The following VWA8 variants were observed in gnomAD, a reference collection of about 807,000 sequenced individuals.
The protein encoded by VWA8 is von Willebrand factor A domain containing 8, also known as von Willebrand factor A domain-containing protein 8.
Under a neutral mutation model 241.5 loss-of-function variants are expected in VWA8, and 221 were observed. That is an observed-to-expected ratio of 0.91 (90% CI 0.82 to 1.02). The LOEUF (loss-of-function observed/expected upper bound fraction) is 1.02, where lower values mean the gene tolerates loss of function less well. Among genes scored for constraint, VWA8 ranks in the 50% least tolerant of loss-of-function variants. The pLI is 0.00. For missense variants in VWA8, 2,322 were observed against 2,328.7 expected, an observed-to-expected ratio of 1.00 and a Z score of 0.06; for synonymous variants, 852 against 827.1, an observed-to-expected ratio of 1.03 and a Z score of -0.52.
intron 12 of VWA8, among the ~76,000 whole-genome samples, chr13:41,849,340 G>T (rs1177306898): frequency 6.6e-6 from 1 of 152,046 alleles, no homozygotes; most frequent in Admixed American, 6.5e-5. Flanking sequence ...TATTCTACTT[G>T]CAAATATTTG....
intron 2 of VWA8, among the ~76,000 whole-genome samples, chr13:41,942,152 G>A (rs1277595487): frequency 6.6e-6 from 1 of 152,080 alleles, no homozygotes; most frequent in Non-Finnish European, 1.5e-5. Flanking sequence ...TAACAACTTG[G>A]TGAAGAATTT....
At chr13:41,934,704 C>T (rs1593881458) in intron 2 of VWA8, among the ~76,000 whole-genome samples, 1 of 151,838 alleles carries the variant, frequency 6.6e-6, no homozygotes, top group East Asian at 1.9e-4. Flanking sequence ...TCTAGAAAAT[C>T]CGAATAAATC....
At chr13:41,749,319 G>C (rs1041891635) in intron 21 of VWA8, among the ~76,000 whole-genome samples, 6 of 152,274 alleles carry the variant, frequency 3.9e-5, no homozygotes, top group Admixed American at 1.3e-4. Context: ...CCATCTCACA[G>C]CAGTTAGAAT....
At chr13:41,671,293 T>G in intron 36 of VWA8, 146 bp from the exon 37 acceptor site, 1 of 887,256 alleles carries the variant, frequency 1.1e-6, no homozygotes, top group Non-Finnish European at 1.7e-6. Context: ...TGTCACCACA[T>G]AGGCAGGTTA....
chr13:41,713,830 A>G (rs2045332721), intron 26 of VWA8, among the ~76,000 whole-genome samples: 1 of 152,174 alleles, frequency 6.6e-6, no homozygotes, highest in Non-Finnish European at 1.5e-5. Context: ...GGAAATGGAG[A>G]AAAAGTAGAG....
chr13:41,615,402 A>G lies in VWA8; in HGVS notation c.4612-318T>C, dbSNP rs1363260575. On this transcript the variant is annotated intron_variant, in intron 37 of 44. Transcript: ENST00000379310. Reference sequence around the variant, plus strand: ...ACATGGCATGAGACTTACCAGATGCAGGGAAAATGGATCTCACTGGAGAGG... The same window carrying G: ...ACATGGCATGAGACTTACCAGATGCGGGGAAAATGGATCTCACTGGAGAGG... Among the ~76,000 whole-genome samples the G allele has an allele frequency of 3.7e-4, 57 of 152,334 alleles. 1 individual carries two copies. Among genetic ancestry groups the G allele is most frequent in the Admixed American group, 3.7e-3 (57 of 15,304 alleles).
chr13:41,583,956 A>C (rs901262275), intron 42 of VWA8, among the ~76,000 whole-genome samples: 3 of 152,214 alleles, frequency 2.0e-5, no homozygotes, highest in African/African-American at 7.2e-5. Flanking sequence ...AGTTTTTTAG[A>C]GAATGTCCTT....
intron 15 of VWA8, 45 bp downstream of exon 15, chr13:41,819,173 G>A (rs754973116): frequency 2.6e-6 from 4 of 1,555,836 alleles, no homozygotes; most frequent in African/African-American, 1.4e-5. Context: ...CTTAAAAAGA[G>A]ATCAGCTTTT....
intron 35 of VWA8, among the ~76,000 whole-genome samples, chr13:41,677,778 T>TCATCCATC (rs200806052): frequency 0.032 from 4,914 of 151,916 alleles, 99 homozygotes; most frequent in Middle Eastern, 0.065. Flanking sequence ...ATTTATCTAT[T>TCATCCATC]CATCCATCCA....
intron 39 of VWA8, among the ~76,000 whole-genome samples, chr13:41,610,549 G>A (rs2044580624): frequency 6.6e-6 from 1 of 152,098 alleles, no homozygotes; most frequent in South Asian, 2.1e-4. Context: ...GGCAGGGCCT[G>A]CATTCTTGTC....
intron 18 of VWA8, among the ~76,000 whole-genome samples, chr13:41,786,310 T>A (rs185217861): frequency 6.6e-6 from 1 of 152,148 alleles, no homozygotes; most frequent in Admixed American, 6.6e-5. Context: ...ATAACCAGCA[T>A]ATTAATTGAA....
intron 14 of VWA8, among the ~76,000 whole-genome samples, chr13:41,820,002 T>C (rs1267758009): frequency 1.3e-5 from 2 of 152,190 alleles, no homozygotes; most frequent in Non-Finnish European, 2.9e-5. Context: ...GTGATCTCTC[T>C]TAAAACTCTC....
chr13:41,673,983 T>G (rs1231647270), intron 36 of VWA8, among the ~76,000 whole-genome samples: 1 of 152,224 alleles, frequency 6.6e-6, no homozygotes, highest in African/African-American at 2.4e-5. Flanking sequence ...AAAAAGATGT[T>G]ATTTGCTTTT....
chr13:41,884,490 G>A (rs935506785), intron 8 of VWA8, among the ~76,000 whole-genome samples: 7 of 151,774 alleles, frequency 4.6e-5, no homozygotes, highest in Non-Finnish European at 1.0e-4. Flanking sequence ...CCAGTCTCAG[G>A]TATTTCTTCA....
At chr13:41,670,603 T>C (rs1486496807) in intron 37 of VWA8, among the ~76,000 whole-genome samples, 2 of 152,258 alleles carry the variant, frequency 1.3e-5, no homozygotes, top group Non-Finnish European at 2.9e-5. Context: ...GTAGAGATGC[T>C]GACACTGAAG....
chr13:41,940,797 C>T (rs1877562000), intron 2 of VWA8, among the ~76,000 whole-genome samples: 1 of 152,222 alleles, frequency 6.6e-6, no homozygotes, highest in South Asian at 2.1e-4. Context: ...AGAAACAATG[C>T]AACAATTTAC....
intron 35 of VWA8, 100 bp from the exon 36 acceptor site, chr13:41,675,396 G>C: frequency 1.3e-6 from 1 of 770,818 alleles, no homozygotes; most frequent in Non-Finnish European, 2.1e-6. Context: ...AGGGTAGAAC[G>C]CTGGGATCTA....
chr13:41,850,674 G>A (rs968544514), intron 12 of VWA8, among the ~76,000 whole-genome samples: 3 of 152,070 alleles, frequency 2.0e-5, no homozygotes, highest in Admixed American at 2.0e-4. Context: ...CAGATGGTCT[G>A]CCCAGAATGT....
chr13:41,657,480 T>C (rs960933017), intron 37 of VWA8, among the ~76,000 whole-genome samples: 14 of 151,154 alleles, frequency 9.3e-5, no homozygotes, highest in Non-Finnish European at 2.1e-4. Flanking sequence ...AGAAAAGTTA[T>C]TCTTTTTTTT....
Sources: gnomAD v4.1 joint callset for allele counts (sites outside exome capture counted in the v4.1 genomes callset) on GRCh38, gnomAD v4.1.1 for gene constraint, MANE v1.5 for transcripts, NCBI Gene and HGNC (gene_info 2026-07-23, HGNC 2026-07-21) for gene names.